The following NELL1 variants were observed in gnomAD, a reference collection of about 807,000 sequenced individuals.
The protein encoded by NELL1 is neural EGFL like 1, also known as protein kinase C-binding protein NELL1.
A neutral mutation model predicts 107.4 loss-of-function variants in NELL1; 76 were observed. That is an observed-to-expected ratio of 0.71 (90% CI 0.59 to 0.86). The LOEUF (loss-of-function observed/expected upper bound fraction) is 0.86. NELL1 is among the 40% of genes least tolerant of loss of function. The pLI is 0.00. For missense variants in NELL1, 1,024 were observed against 1,005.5 expected, an observed-to-expected ratio of 1.02 and a Z score of -0.25; for synonymous variants, 353 against 341.2, an observed-to-expected ratio of 1.03 and a Z score of -0.38.
intron 9 of NELL1, among the ~76,000 whole-genome samples, chr11:20,929,585 T>C (rs1009114346): frequency 2.0e-5 from 3 of 152,156 alleles, no homozygotes; most frequent in Non-Finnish European, 1.5e-5. Context: ...TGTCTGGATA[T>C]TGAATTATAG....
intron 14 of NELL1, among the ~76,000 whole-genome samples, chr11:21,350,688 T>C (rs540347879): frequency 6.6e-6 from 1 of 152,264 alleles, no homozygotes; most frequent in East Asian, 1.9e-4. Flanking sequence ...TGTGCAGGAA[T>C]TTTGCTTGGA....
intron 2 of NELL1, among the ~76,000 whole-genome samples, chr11:20,710,279 A>T (rs2133894826): frequency 6.6e-6 from 1 of 152,302 alleles, no homozygotes; most frequent in South Asian, 2.1e-4. Context: ...AGATTTTGTC[A>T]AATGCTTTTT....
chr11:21,140,194 C>A (rs1855835329), intron 13 of NELL1, among the ~76,000 whole-genome samples: 1 of 152,064 alleles, frequency 6.6e-6, no homozygotes, highest in Non-Finnish European at 1.5e-5. Context: ...TCTCAAAGCA[C>A]CTGGGCTATG....
At chr11:21,413,876 G>T (rs1204883281) in intron 15 of NELL1, among the ~76,000 whole-genome samples, 2 of 152,032 alleles carry the variant, frequency 1.3e-5, no homozygotes, top group African/African-American at 4.8e-5. Flanking sequence ...CTGTCAGGAG[G>T]CAGGGGGCAT....
chr11:21,202,971 T>A lies in NELL1; in HGVS notation c.1427-26361T>A, dbSNP rs183520853. The stretch of plus-strand genomic sequence containing the variant: ...TCTTATTCCTGAGTTCTAGTTTGAT[T>A]GCACAGTGGTCTGAGAGACTGTTAC... On this transcript the variant is annotated intron_variant, in intron 13 of 19. Coordinates refer to ENST00000357134, the MANE Select transcript of NELL1 (RefSeq NM_006157.5). Among the ~76,000 whole-genome samples the A allele has an allele frequency of 6.8e-3, 1,042 of 152,346 alleles. 11 individuals are homozygous for A. The highest frequency in any genetic ancestry group is 0.014 in the Middle Eastern group (4 of 294).
intron 13 of NELL1, among the ~76,000 whole-genome samples, chr11:21,138,844 T>C (rs998709517): frequency 1.3e-5 from 2 of 152,142 alleles, no homozygotes; most frequent in East Asian, 3.9e-4. Flanking sequence ...GAAGTGTTAG[T>C]GTAAGGAATT....
At chr11:20,957,453 A>C (rs1320088938) in intron 11 of NELL1, among the ~76,000 whole-genome samples, 1 of 152,210 alleles carries the variant, frequency 6.6e-6, no homozygotes, top group Admixed American at 6.5e-5. Context: ...TTAAAAACCA[A>C]AACCTCAAAT....
At chr11:21,185,225 T>A (rs1416370048) in intron 13 of NELL1, among the ~76,000 whole-genome samples, 1 of 151,338 alleles carries the variant, frequency 6.6e-6, no homozygotes, top group African/African-American at 2.4e-5. Flanking sequence ...ACAGCCCAAA[T>A]CACATTTGTT....
intron 14 of NELL1, among the ~76,000 whole-genome samples, chr11:21,334,305 C>T (rs1014780406): frequency 6.6e-6 from 1 of 151,862 alleles, no homozygotes; most frequent in African/African-American, 2.4e-5. Context: ...ATATTTTAGG[C>T]TTTTTGAGCC....
At chr11:20,878,700 G>C (rs1260348821) in intron 4 of NELL1, among the ~76,000 whole-genome samples, 1 of 152,148 alleles carries the variant, frequency 6.6e-6, no homozygotes, top group Non-Finnish European at 1.5e-5. Flanking sequence ...ATTTTTCTCA[G>C]TCAGGATTAT....
At chr11:20,786,963 G>C (rs573647291) in intron 3 of NELL1, among the ~76,000 whole-genome samples, 7 of 135,664 alleles carry the variant, frequency 5.2e-5, no homozygotes, top group South Asian at 2.3e-4. Context: ...AGCCGAGATG[G>C]CGCCACTGCA....
rs1002458141 is a variant in NELL1, at chr11:20,693,737, C to G, written c.184+15677C>G. Among the ~76,000 whole-genome samples the G allele has an allele frequency of 4.0e-5, 6 of 151,886 alleles. No individual in the cohort carries two copies. The East Asian group carries it at 5.8e-4, about 15-fold the overall frequency. ...CTTAACATTTTTTCCTTCATTTCAA[C>G]TTTGGTGAATCTGACAATTATGTGT... On this transcript the variant is annotated intron_variant, in intron 2 of 19. Coordinates refer to ENST00000357134, the MANE Select transcript of NELL1 (RefSeq NM_006157.5).
At chr11:21,560,733 G>T (rs892045568) in intron 17 of NELL1, among the ~76,000 whole-genome samples, 5 of 152,084 alleles carry the variant, frequency 3.3e-5, no homozygotes, top group African/African-American at 1.2e-4. Context: ...CAAACTTGCT[G>T]ATTAAAACTA....
Position 21,342,725 on chromosome 11 carries a change from GAA to G in NELL1, c.1550-28126_1550-28125del, listed in dbSNP as rs35094436. 8.7e-5 allele frequency among the ~76,000 whole-genome samples: 12 copies of G among 137,626 alleles called. 1 individual carries two copies. Among genetic ancestry groups the G allele is most frequent in the South Asian group, 7.3e-4 (3 of 4,086 alleles). 90.3% of individuals were successfully genotyped at this position (137,626 alleles called of 152,430 possible). Reference sequence around the variant, plus strand: ...AGGGAGAGAGAGAGAGAGAGAGAGAGAAAGAGAAAGAAAGAGAATAGTATGCA... The same window carrying G: ...AGGGAGAGAGAGAGAGAGAGAGAGAGAGAGAAAGAAAGAGAATAGTATGCA... On this transcript the variant is annotated intron_variant, in intron 14 of 19. Coordinates refer to ENST00000357134, the MANE Select transcript of NELL1 (RefSeq NM_006157.5).
chr11:21,556,696 G>T (rs1856718742), intron 16 of NELL1, among the ~76,000 whole-genome samples: 1 of 151,846 alleles, frequency 6.6e-6, no homozygotes, highest in South Asian at 2.1e-4. Context: ...TTCAGAAATT[G>T]TGAAAATGTT....
chr11:21,532,885 T>C (rs547966971), intron 15 of NELL1, among the ~76,000 whole-genome samples: 2 of 152,332 alleles, frequency 1.3e-5, no homozygotes, highest in African/African-American at 4.8e-5. Flanking sequence ...CTTGAAGTTT[T>C]AAAGTTTTTA....
At chr11:21,530,338 G>A (rs552690126) in intron 15 of NELL1, among the ~76,000 whole-genome samples, 47 of 152,206 alleles carry the variant, frequency 3.1e-4, no homozygotes, top group African/African-American at 1.0e-3. Context: ...AAATCCAATA[G>A]GAAAGAGATT....
intron 10 of NELL1, among the ~76,000 whole-genome samples, chr11:20,938,135 G>A (rs1850766864): frequency 6.6e-6 from 1 of 152,160 alleles, no homozygotes; most frequent in African/African-American, 2.4e-5. Context: ...AGTTAGGGAG[G>A]CTGGTGGGTG....
intron 15 of NELL1, among the ~76,000 whole-genome samples, chr11:21,517,419 A>C (rs1855593856): frequency 6.6e-6 from 1 of 152,192 alleles, no homozygotes; most frequent in Non-Finnish European, 1.5e-5. Context: ...CCAGCAAGGC[A>C]TGGTAACATT....
Sources: gnomAD v4.1 joint callset for allele counts (sites outside exome capture counted in the v4.1 genomes callset) on GRCh38, gnomAD v4.1.1 for gene constraint, MANE v1.5 for transcripts, NCBI Gene and HGNC (gene_info 2026-07-23, HGNC 2026-07-21) for gene names.